The following DTHD1 variants were observed in gnomAD, a reference collection of about 807,000 sequenced individuals.
The protein encoded by DTHD1 is death domain containing 1, also known as death domain-containing protein 1.
In DTHD1, 59 loss-of-function variants were observed where a neutral mutation model predicts 74.8. The ratio of observed to expected loss-of-function variants is 0.79; its 90% CI spans 0.64 to 0.98. The LOEUF is 0.98. Among genes scored for constraint, DTHD1 ranks in the 50% least tolerant of loss-of-function variants. The pLI, the probability that DTHD1 is intolerant of heterozygous loss-of-function variation, is 0.00. For synonymous variants in DTHD1, 365 were observed against 371.1 expected, an observed-to-expected ratio of 0.98 and a Z score of 0.19; for missense variants, 1,051 against 1,065.4, an observed-to-expected ratio of 0.99 and a Z score of 0.19.
intron 5 of DTHD1, among the ~76,000 whole-genome samples, chr4:36,298,053 T>G (rs923894171): frequency 6.6e-6 from 1 of 152,074 alleles, no homozygotes; most frequent in Admixed American, 6.6e-5. Context: ...ACTTTTTTTT[T>G]GCCTTTGTAC....
intron 7 of DTHD1, 32 bp from the exon 8 acceptor site, chr4:36,316,210 A>G: frequency 6.5e-7 from 1 of 1,542,390 alleles, no homozygotes; most frequent in Non-Finnish European, 8.7e-7. Flanking sequence ...GAGATAACTT[A>G]ATGGTAATAA....
chr4:36,298,126 T>C (rs1235151631), intron 5 of DTHD1, among the ~76,000 whole-genome samples: 1 of 152,168 alleles, frequency 6.6e-6, no homozygotes, highest in East Asian at 1.9e-4. Context: ...TTGCCCATTC[T>C]ATAAGTTCCA....
rs2109460923 is a variant in DTHD1, at chr4:36,293,507, T to G, written c.1219-19T>G. Reference sequence around the variant, plus strand: ...AAATCAGTGCTATAGCTTATTTTAATGTTCTTTATTCTATACAGGGGACCT... The same window carrying G: ...AAATCAGTGCTATAGCTTATTTTAAGGTTCTTTATTCTATACAGGGGACCT... On this transcript the variant is annotated intron_variant, in intron 3 of 9. Transcript: ENST00000639862. The G allele has an allele frequency of 3.8e-5, 56 of 1,476,650 alleles. No homozygotes were observed. The highest frequency in any genetic ancestry group is 5.0e-5 in the Non-Finnish European group (55 of 1,104,734). 91.5% of individuals were successfully genotyped at this position (1,476,650 alleles called of 1,614,324 possible).
At position 36,294,917 on chromosome 4, in the gene DTHD1, G is replaced by A; in HGVS notation, c.1521G>A (p.Lys507=). The A allele has an allele frequency of 1.9e-6, 3 of 1,551,852 alleles. No homozygotes were observed. The highest frequency in any genetic ancestry group is 2.6e-6 in the Non-Finnish European group (3 of 1,146,796). Residue 507 remains lysine (K), a synonymous_variant, in exon 5 of 10, where the codon AAG becomes AAA. Coordinates refer to ENST00000639862, the MANE Select transcript of DTHD1 (RefSeq NM_001170700.3). Reference sequence around the variant, plus strand: ...ACCCATCAACTTATCCTTTTCAGAAGCCAGTCACTTTGTTTTTACCTTGTT... The same window carrying A: ...ACCCATCAACTTATCCTTTTCAGAAACCAGTCACTTTGTTTTTACCTTGTT... The part of the protein sequence containing the change: ...IQHPSTYPFQ[K]PVTLFLPCSP...
At chr4:36,283,515 T>A (rs1755517217) in intron 1 of DTHD1, among the ~76,000 whole-genome samples, 1 of 152,174 alleles carries the variant, frequency 6.6e-6, no homozygotes, top group Admixed American at 6.5e-5. Flanking sequence ...GGAGGTATGG[T>A]GTTTCTGCCA....
chr4:36,344,491 TA>T lies in DTHD1; in HGVS notation c.*670del, dbSNP rs1759492873. 6.6e-6 allele frequency: 1 copy of T among 152,242 alleles called. No individual in the cohort carries two copies. Among genetic ancestry groups the T allele is most frequent in the Non-Finnish European group, 1.5e-5 (1 of 68,058 alleles). The allele number at this position is 152,242 out of a possible 1,614,324, so 9.4% of individuals were successfully genotyped here. A position where few individuals can be genotyped will look rare whatever the true frequency, so the allele number is the denominator to read the frequency against. ...TGGCATTGATTGAACAGTTATTATC[TA>T]AAGACCTGGAATCAATAGGAAGGAA... On this transcript the variant is annotated 3_prime_UTR_variant, in exon 10 of 10. Coordinates refer to ENST00000639862, the MANE Select transcript of DTHD1 (RefSeq NM_001170700.3).
Position 36,290,369 on chromosome 4 carries a change from C to G in DTHD1, c.888-4C>G. ...GAAAAATGACATTCTTTTTCCCCCT[C>G]CAGGTATCTTGATGTGCTGAGTGAT... On this transcript the variant is annotated splice_polypyrimidine_tract_variant and splice_region_variant and intron_variant, in intron 2 of 9. Coordinates refer to ENST00000639862, the MANE Select transcript of DTHD1 (RefSeq NM_001170700.3). The G allele has an allele frequency of 6.5e-7, 1 of 1,539,218 alleles. No individual in the cohort carries two copies. The highest frequency in any genetic ancestry group is 8.8e-7 in the Non-Finnish European group (1 of 1,139,818).
intron 9 of DTHD1, among the ~76,000 whole-genome samples, chr4:36,343,223 G>A (rs139158635): frequency 2.6e-5 from 4 of 152,288 alleles, no homozygotes; most frequent in African/African-American, 7.2e-5. Context: ...AGAGCAGAGC[G>A]TAAAAACCAT....
chr4:36,297,171 G>C (rs1395062641), intron 5 of DTHD1, among the ~76,000 whole-genome samples: 2 of 152,196 alleles, frequency 1.3e-5, no homozygotes, highest in East Asian at 1.9e-4. Context: ...GGTTGGTCTT[G>C]CTGTCTCAGG....
chr4:36,334,912 G>A (rs1758920726), intron 8 of DTHD1, among the ~76,000 whole-genome samples: 2 of 152,166 alleles, frequency 1.3e-5, no homozygotes, highest in Non-Finnish European at 2.9e-5. Flanking sequence ...TGGCTACTAA[G>A]TATTTATTAA....
intron 9 of DTHD1, 55 bp downstream of exon 9, chr4:36,339,224 T>G: frequency 2.6e-6 from 3 of 1,170,442 alleles, no homozygotes; most frequent in Middle Eastern, 3.9e-4. Flanking sequence ...CCTTATATGT[T>G]GTATATATGT....
In DTHD1 at chr4:36,308,297, C is replaced by T; in HGVS notation, c.1899C>T (p.Ala633=). 3 of 1,552,058 alleles carry T rather than the reference C, an allele frequency of 1.9e-6. No individual in the cohort carries two copies. The highest frequency in any genetic ancestry group is 2.6e-6 in the Non-Finnish European group (3 of 1,147,072). The change falls in exon 7 of 10, where the codon GCC becomes GCT. Residue 633 remains alanine, a synonymous_variant. Transcript: ENST00000639862. ...SLEEAMLSTT[A]CIVLSHQKDN... ...AGGAAGCCATGCTCAGCACCACTGC[C>T]TGCATAGTACTGTCTCACCAGAAGG... is the stretch of plus-strand genomic sequence containing the variant.
At chr4:36,317,950 A>C (rs1448687927) in intron 8 of DTHD1, among the ~76,000 whole-genome samples, 1 of 152,248 alleles carries the variant, frequency 6.6e-6, no homozygotes, top group African/African-American at 2.4e-5. Flanking sequence ...AATATAATGC[A>C]TTTGACCGGG....
intron 5 of DTHD1, among the ~76,000 whole-genome samples, chr4:36,305,666 G>T (rs2109492173): frequency 6.6e-6 from 1 of 152,258 alleles, no homozygotes; most frequent in East Asian, 1.9e-4. Context: ...TTTGCCCATG[G>T]TCATACAGTT....
At chr4:36,316,696 T>C (rs1003179551) in intron 8 of DTHD1, among the ~76,000 whole-genome samples, 1 of 152,224 alleles carries the variant, frequency 6.6e-6, no homozygotes, top group Non-Finnish European at 1.5e-5. Context: ...CTAACAAGAA[T>C]GCTTCAGATT....
intron 4 of DTHD1, among the ~76,000 whole-genome samples, chr4:36,294,366 C>T (rs1756263808): frequency 6.6e-6 from 1 of 151,818 alleles, no homozygotes; most frequent in Non-Finnish European, 1.5e-5. Context: ...TTTCCACGCA[C>T]TTTGAAATGT....
chr4:36,287,577 G>A (rs1755784089), intron 2 of DTHD1, among the ~76,000 whole-genome samples: 1 of 152,106 alleles, frequency 6.6e-6, no homozygotes, highest in Non-Finnish European at 1.5e-5. Flanking sequence ...TTTCCATAAT[G>A]GTTTTACTAG....
intron 3 of DTHD1, among the ~76,000 whole-genome samples, chr4:36,292,363 C>CT (rs1366288432): frequency 6.6e-6 from 1 of 152,130 alleles, no homozygotes; most frequent in Non-Finnish European, 1.5e-5. Context: ...GAATCATTGT[C>CT]TATCATAACA....
chr4:36,299,689 T>G (rs1756646396), intron 5 of DTHD1, among the ~76,000 whole-genome samples: 1 of 152,220 alleles, frequency 6.6e-6, no homozygotes, highest in African/African-American at 2.4e-5. Flanking sequence ...TCCGTATTGT[T>G]TACTTCCCTT....
Sources: allele counts gnomAD v4.1 joint callset (sites outside exome capture counted in the v4.1 genomes callset), GRCh38; gene constraint gnomAD v4.1.1; transcripts MANE v1.5; gene names NCBI Gene and HGNC (gene_info 2026-07-23, HGNC 2026-07-21).